Variants in ZNF407 observed in about 807,000 individuals in gnomAD.
The protein encoded by ZNF407 is zinc finger protein 407.
ZNF407 carries 17 observed loss-of-function variants against 131.2 expected under a neutral mutation model. That is an observed-to-expected ratio of 0.13 (90% CI 0.09 to 0.19). ZNF407 has a LOEUF of 0.19. ZNF407 is among the 10% of genes least tolerant of loss of function. ZNF407 has a pLI of 1.00. For missense variants in ZNF407, 2,681 were observed against 2,830.6 expected (o/e 0.95, Z 1.20); for synonymous variants, 1,156 against 1,062.0 (o/e 1.09, Z -1.72).
Position 74,877,270 on chromosome 18 carries a change from A to G in ZNF407, c.4951A>G (p.Thr1651Ala). ...CCTGAACAACCACATGAAACTCCAC[A>G]CGGGAGAAAAGCCGTTTAAATGTAC... is the stretch of plus-strand genomic sequence containing the variant. ...WALNNHMKLH[T>A]GEKPFKCTWP... Residue 1651 changes from threonine to alanine, a missense_variant, in exon 5 of 9, where the codon ACG becomes GCG. Transcript: ENST00000299687. 1 of 1,614,000 alleles carries G rather than the reference A, an allele frequency of 6.2e-7. No individual in the cohort carries two copies. Among genetic ancestry groups the G allele is most frequent in the Non-Finnish European group, 8.5e-7 (1 of 1,179,876 alleles).
Position 75,063,790 on chromosome 18 carries a change from G to T in ZNF407, c.6069G>T (p.Leu2023=), listed in dbSNP as rs189911859. The T allele has an allele frequency of 4.4e-4, 701 of 1,609,422 alleles. 6 individuals carry two copies. The African/African-American group carries it at 8.5e-3, about 20-fold the overall frequency. ...GCGCCAAAGACGTGCTGATCCAGCT[G>T]CCCGGGCAGGAGGTCTCCCATGTGG... ...RPGAKDVLIQ[L]PGQEVSHVAA... is the part of the protein sequence containing the mutation. Residue 2023 remains leucine, a synonymous_variant, in exon 9 of 9, where the codon CTG becomes CTT. Transcript: ENST00000299687. The surrounding 1 kb of genome is among the most constrained non-coding windows in gnomAD (Gnocchi z 6.6).
intron 3 of ZNF407, among the ~76,000 whole-genome samples, chr18:74,698,211 A>G (rs1191612112): frequency 6.6e-6 from 1 of 152,222 alleles, no homozygotes; most frequent in African/African-American, 2.4e-5. Flanking sequence ...CTTTCTACAA[A>G]TGAATATTAA....
intron 1 of ZNF407, among the ~76,000 whole-genome samples, chr18:74,609,180 G>A (rs1003613483): frequency 2.0e-5 from 3 of 152,170 alleles, no homozygotes; most frequent in Non-Finnish European, 4.4e-5. Context: ...GGCAGCCGAG[G>A]AAGCTGTCCA....
At chr18:74,853,015 G>A (rs1970810987) in intron 4 of ZNF407, among the ~76,000 whole-genome samples, 1 of 152,046 alleles carries the variant, frequency 6.6e-6, no homozygotes, top group Non-Finnish European at 1.5e-5. Context: ...ATTCCTTAAG[G>A]AACAAGAAAC....
At chr18:74,734,123 C>T (rs879726479) in intron 3 of ZNF407, among the ~76,000 whole-genome samples, 2 of 152,136 alleles carry the variant, frequency 1.3e-5, no homozygotes, top group Admixed American at 6.6e-5. Flanking sequence ...GTTGACAAGT[C>T]GTACGTGTTC....
chr18:74,729,839 A>T (rs1968251981), intron 3 of ZNF407, among the ~76,000 whole-genome samples: 1 of 152,192 alleles, frequency 6.6e-6, no homozygotes. Flanking sequence ...AAAATTGGAA[A>T]AAAAAGACTA....
At chr18:74,938,674 G>T (rs1020870463) in intron 8 of ZNF407, among the ~76,000 whole-genome samples, 2 of 152,128 alleles carry the variant, frequency 1.3e-5, no homozygotes, top group African/African-American at 4.8e-5. Context: ...CCTTCTCTAA[G>T]TGTGTCTTAA....
intron 4 of ZNF407, among the ~76,000 whole-genome samples, chr18:74,817,786 A>G (rs1035760678): frequency 6.6e-6 from 1 of 152,158 alleles, no homozygotes; most frequent in Non-Finnish European, 1.5e-5. Context: ...TGCTACTTCC[A>G]AAGTATTAAA....
intron 4 of ZNF407, among the ~76,000 whole-genome samples, chr18:74,835,056 C>T (rs1970536408): frequency 6.6e-6 from 1 of 152,154 alleles, no homozygotes; most frequent in South Asian, 2.1e-4. Flanking sequence ...ACATCAGCCT[C>T]GAAGAGCTTC....
intron 6 of ZNF407, among the ~76,000 whole-genome samples, chr18:74,885,389 G>T (rs1292129576): frequency 3.9e-5 from 6 of 152,154 alleles, no homozygotes; most frequent in African/African-American, 1.4e-4. Context: ...CATGTTTATA[G>T]ATCAGACAAT....
chr18:74,782,899 G>T (rs1004557497), intron 4 of ZNF407, among the ~76,000 whole-genome samples: 1 of 152,040 alleles, frequency 6.6e-6, no homozygotes, highest in Admixed American at 6.6e-5. Flanking sequence ...GACCGTGCCC[G>T]GCCTATTTCC....
intron 3 of ZNF407, among the ~76,000 whole-genome samples, chr18:74,755,833 TTCCCTCCCTCCCTTCC>T (rs1477717632): frequency 5.6e-5 from 5 of 89,576 alleles, no homozygotes; most frequent in Non-Finnish European, 1.0e-4. Flanking sequence ...CCTCCCTCCC[TTCCCTCCCTCCCTTCC>T]TCCCTTCCTC....
At chr18:74,753,034 GTCCT>G (rs1436468315) in intron 3 of ZNF407, among the ~76,000 whole-genome samples, 8 of 152,030 alleles carry the variant, frequency 5.3e-5, no homozygotes, top group Admixed American at 1.3e-4. Flanking sequence ...ATTTGTTTGT[GTCCT>G]CTTTTATTTC....
chr18:74,927,990 A>G (rs1478599320), intron 8 of ZNF407, among the ~76,000 whole-genome samples: 1 of 152,168 alleles, frequency 6.6e-6, no homozygotes, highest in African/African-American at 2.4e-5. Context: ...CCTATGTTGA[A>G]GAAAAAAGCC....
intron 8 of ZNF407, among the ~76,000 whole-genome samples, chr18:75,052,052 C>T (rs1200299847): frequency 3.9e-5 from 6 of 152,062 alleles, no homozygotes; most frequent in Admixed American, 1.3e-4. Flanking sequence ...GGATAAGGAA[C>T]GTGATGAGGA....
At chr18:74,849,927 A>G (rs570151958) in intron 4 of ZNF407, among the ~76,000 whole-genome samples, 1 of 152,344 alleles carries the variant, frequency 6.6e-6, no homozygotes, top group East Asian at 1.9e-4. Flanking sequence ...TTTATTAATG[A>G]ATAAGTATAA....
At chr18:74,650,953 CTATA>C (rs1985200172) in intron 3 of ZNF407, among the ~76,000 whole-genome samples, 1 of 151,950 alleles carries the variant, frequency 6.6e-6, no homozygotes, top group African/African-American at 2.4e-5. Context: ...ATCTATCTAT[CTATA>C]TATAAATATA....
intron 8 of ZNF407, among the ~76,000 whole-genome samples, chr18:74,959,903 C>G (rs1972319216): frequency 6.6e-6 from 1 of 152,170 alleles, no homozygotes; most frequent in Admixed American, 6.5e-5. Flanking sequence ...AATGAGTAGA[C>G]ATTTCTATGG....
chr18:74,771,471 A>C (rs908645976), intron 3 of ZNF407, among the ~76,000 whole-genome samples: 15 of 151,992 alleles, frequency 9.9e-5, no homozygotes, highest in Admixed American at 4.6e-4. Context: ...TATAATATGA[A>C]CCTGCTTACA....
Sources: allele counts gnomAD v4.1 joint callset (sites outside exome capture counted in the v4.1 genomes callset), GRCh38; gene constraint gnomAD v4.1.1; non-coding constraint Gnocchi (gnomAD v3.1); transcripts MANE v1.5; gene names NCBI Gene and HGNC (gene_info 2026-07-23, HGNC 2026-07-21).